Variants in GLIS3 observed in about 807,000 individuals in gnomAD.
GLIS3 encodes zinc finger protein GLIS3.
Under a neutral mutation model 78.6 loss-of-function variants are expected in GLIS3, and 53 were observed. The observed-to-expected ratio is 0.67, with a 90% CI of 0.54 to 0.85. GLIS3 has a LOEUF of 0.85. Ranked by LOEUF, GLIS3 falls within the 40% of genes least tolerant of loss-of-function variation. The probability of loss-of-function intolerance (pLI) is 0.00; values close to 1 mark genes in which losing one functional copy is unlikely to be tolerated. For missense variants in GLIS3, 1,703 were observed against 1,231.1 expected (o/e 1.38, Z -5.74); for synonymous variants, 684 against 509.9 (o/e 1.34, Z -4.60).
chr9:3,889,997 G>A (rs1822326084), intron 7 of GLIS3, among the ~76,000 whole-genome samples: 1 of 152,106 alleles, frequency 6.6e-6, no homozygotes. Flanking sequence ...GTCAAGAACA[G>A]TTTTTTTAGA....
chr9:4,016,338 C>G (rs185650744), intron 4 of GLIS3, among the ~76,000 whole-genome samples: 1 of 152,164 alleles, frequency 6.6e-6, no homozygotes, highest in African/African-American at 2.4e-5. Flanking sequence ...TTTCTTAAAA[C>G]GAGCTCCTGG....
the GLIS3 span, among the ~76,000 whole-genome samples, chr9:4,421,309 G>A: frequency 1.1e-4 from 16 of 152,226 alleles, no homozygotes; most frequent in Non-Finnish European, 2.2e-4. Context: ...CCAAGGGCAG[G>A]TGGTGAAGGC....
intron 1 of GLIS3, among the ~76,000 whole-genome samples, chr9:4,290,656 A>G (rs1351070891): frequency 6.6e-6 from 1 of 152,170 alleles, no homozygotes; most frequent in Non-Finnish European, 1.5e-5. Flanking sequence ...GTTCATTTAA[A>G]TAAGCAGAAT....
At chr9:3,871,336 A>G (rs1446291157) in intron 8 of GLIS3, among the ~76,000 whole-genome samples, 2 of 152,188 alleles carry the variant, frequency 1.3e-5, no homozygotes, top group Non-Finnish European at 2.9e-5. Context: ...TCTGGAGGAC[A>G]GTGACCCTCT....
upstream of GLIS3, among the ~76,000 whole-genome samples, chr9:4,352,924 T>C (rs1032951794): frequency 6.6e-6 from 1 of 152,200 alleles, no homozygotes. Flanking sequence ...ATACATTTAG[T>C]AGGTGTAAGT....
chr9:4,391,304 T>C, the GLIS3 span, among the ~76,000 whole-genome samples: 10 of 152,316 alleles, frequency 6.6e-5, no homozygotes, highest in African/African-American at 2.4e-4. Context: ...TTAGAGACCA[T>C]CTAATTTTTC....
the GLIS3 span, among the ~76,000 whole-genome samples, chr9:4,473,830 A>G: frequency 6.6e-6 from 1 of 152,200 alleles, no homozygotes; most frequent in Admixed American, 6.5e-5. Context: ...GCTATTTACA[A>G]TCATATCAAA....
intron 9 of GLIS3, among the ~76,000 whole-genome samples, chr9:3,831,118 A>G (rs909112995): frequency 2.0e-5 from 3 of 152,218 alleles, no homozygotes; most frequent in African/African-American, 4.8e-5. Context: ...TTATAAGCAG[A>G]CTAGAGTGCA....
At chr9:4,235,737 G>C (rs1047475679) in intron 2 of GLIS3, among the ~76,000 whole-genome samples, 1 of 152,044 alleles carries the variant, frequency 6.6e-6, no homozygotes, top group African/African-American at 2.4e-5. Context: ...CTGTTATCTT[G>C]GATGAAAACC....
intron 8 of GLIS3, among the ~76,000 whole-genome samples, chr9:3,864,640 CAT>C (rs1247342433): frequency 1.1e-4 from 17 of 152,314 alleles, no homozygotes; most frequent in South Asian, 2.1e-4. Flanking sequence ...TCATTAATAA[CAT>C]GTGCTGTTTA....
chr9:3,985,198 G>T (rs1374009422), intron 4 of GLIS3, among the ~76,000 whole-genome samples: 1 of 151,992 alleles, frequency 6.6e-6, no homozygotes, highest in African/African-American at 2.4e-5. Flanking sequence ...AGGCTGGAGT[G>T]CAGTAAAGAG....
chr9:4,152,931 C>A (rs1834788342), intron 2 of GLIS3, among the ~76,000 whole-genome samples: 1 of 152,188 alleles, frequency 6.6e-6, no homozygotes, highest in Non-Finnish European at 1.5e-5. Context: ...TTCTTCCTAA[C>A]TTTCTTATAG....
At chr9:4,144,280 T>G (rs1834038691) in intron 2 of GLIS3, among the ~76,000 whole-genome samples, 1 of 152,234 alleles carries the variant, frequency 6.6e-6, no homozygotes, top group African/African-American at 2.4e-5. Flanking sequence ...GACTTGTTTT[T>G]TGACACGTAG....
chr9:4,454,150 T>TAAAAAAA, the GLIS3 span, among the ~76,000 whole-genome samples: 2 of 128,796 alleles, frequency 1.6e-5, no homozygotes, highest in African/African-American at 3.0e-5. Flanking sequence ...TATATGATGA[T>TAAAAAAA]AAAAAAAAAA....
chr9:4,418,160 T>G, the GLIS3 span, among the ~76,000 whole-genome samples: 4 of 152,358 alleles, frequency 2.6e-5, no homozygotes, highest in African/African-American at 9.6e-5. Context: ...TGAGCCATCC[T>G]GAACAAATGT....
intron 2 of GLIS3, among the ~76,000 whole-genome samples, chr9:4,146,887 C>G (rs1233344355): frequency 1.3e-5 from 2 of 152,198 alleles, no homozygotes; most frequent in Admixed American, 1.3e-4. Context: ...TTATTTGACA[C>G]TCATTCTGAA....
the GLIS3 span, among the ~76,000 whole-genome samples, chr9:4,397,581 C>T: frequency 3.3e-5 from 5 of 150,632 alleles, no homozygotes; most frequent in Admixed American, 2.6e-4. Context: ...GCTGTCCCCT[C>T]ATCTATCTCT....
chr9:4,131,071 T>C (rs1195954860), intron 2 of GLIS3, among the ~76,000 whole-genome samples: 1 of 151,958 alleles, frequency 6.6e-6, no homozygotes, highest in Non-Finnish European at 1.5e-5. Flanking sequence ...CTAGGGGGGG[T>C]TGGGGCTTGC....
chr9:4,226,552 G>A (rs960391036), intron 2 of GLIS3, among the ~76,000 whole-genome samples: 5 of 152,098 alleles, frequency 3.3e-5, no homozygotes, highest in Non-Finnish European at 7.4e-5. Flanking sequence ...ATGGTAAGGT[G>A]GAGCTAAGCA....
Sources: allele counts gnomAD v4.1 joint callset (sites outside exome capture counted in the v4.1 genomes callset), GRCh38; gene constraint gnomAD v4.1.1; transcripts MANE v1.5; gene names NCBI Gene and HGNC (gene_info 2026-07-23, HGNC 2026-07-21).